The following SFMBT1 variants were observed in gnomAD, a reference collection of about 807,000 sequenced individuals.
The protein encoded by SFMBT1 is scm-like with four MBT domains protein 1.
A neutral mutation model predicts 108.7 loss-of-function variants in SFMBT1; 32 were observed. The observed-to-expected ratio is 0.29, with a 90% CI of 0.22 to 0.40. The LOEUF (loss-of-function observed/expected upper bound fraction) is 0.40, where lower values mean the gene tolerates loss of function less well. Ranked by LOEUF, SFMBT1 falls within the 10% of genes least tolerant of loss-of-function variation. The pLI is 1.00. For synonymous variants in SFMBT1, 348 were observed against 369.5 expected (o/e 0.94, Z 0.67); for missense variants, 816 against 1,059.6 (o/e 0.77, Z 3.19).
At position 52,999,654 on chromosome 3, in the gene SFMBT1, T is replaced by A. The variant is rs1239944286; in HGVS notation, c.-130-30396A>T. 2.7e-5 allele frequency among the ~76,000 whole-genome samples: 4 copies of A among 149,892 alleles called. 2 individuals carry two copies. Among genetic ancestry groups the A allele is most frequent in the Non-Finnish European group, 6.0e-5 (4 of 66,834 alleles). On this transcript the variant is annotated intron_variant, in intron 1 of 20. Coordinates refer to ENST00000394752, the MANE Select transcript of SFMBT1 (RefSeq NM_016329.4). ...TGTGGATGTCACTGGCCAAAGGTCA[T>A]GAGGGGAGTGGGCCACATGAGTGGC...
chr3:53,012,030 G>T (rs1698961202), intron 1 of SFMBT1, among the ~76,000 whole-genome samples: 1 of 152,198 alleles, frequency 6.6e-6, no homozygotes, highest in Non-Finnish European at 1.5e-5. Flanking sequence ...AAGTATCTAT[G>T]TGCCAGCCAC....
chr3:53,023,431 T>C (rs904321876), intron 1 of SFMBT1, among the ~76,000 whole-genome samples: 10 of 152,352 alleles, frequency 6.6e-5, no homozygotes, highest in East Asian at 5.8e-4. Context: ...TGGTCTAAGA[T>C]CTCACTCTGT....
At chr3:53,025,864 G>A (rs779491800) in intron 1 of SFMBT1, among the ~76,000 whole-genome samples, 16 of 152,244 alleles carry the variant, frequency 1.1e-4, no homozygotes, top group South Asian at 4.1e-4. Flanking sequence ...TGATCTACAC[G>A]GAAGGCTGGA....
intron 9 of SFMBT1, among the ~76,000 whole-genome samples, chr3:52,927,774 A>C (rs1172918720): frequency 6.6e-6 from 1 of 152,166 alleles, no homozygotes; most frequent in Non-Finnish European, 1.5e-5. Context: ...ACCTAAAGAT[A>C]ATCAGTAATC....
At chr3:53,035,502 A>T (rs1237650391) in intron 1 of SFMBT1, among the ~76,000 whole-genome samples, 1 of 152,240 alleles carries the variant, frequency 6.6e-6, no homozygotes, top group East Asian at 1.9e-4. Context: ...TACTACATTG[A>T]TAAATGAACA....
At chr3:52,941,950 A>G (rs557613180) in intron 4 of SFMBT1, among the ~76,000 whole-genome samples, 5 of 152,158 alleles carry the variant, frequency 3.3e-5, no homozygotes, top group Non-Finnish European at 7.4e-5. Context: ...AATAGCTGGT[A>G]AAAACTGAAT....
chr3:52,907,310 C>A lies in SFMBT1; in HGVS notation c.2090G>T (p.Ser697Ile), dbSNP rs1278306303. 6.2e-7 allele frequency: 1 copy of A among 1,611,790 alleles called. No homozygotes were observed. Among genetic ancestry groups the A allele is most frequent in the Admixed American group, 1.7e-5 (1 of 59,878 alleles). The change falls in exon 19 of 21, where the codon AGT becomes ATT. Residue 697 changes from serine (S) to isoleucine (I), a missense_variant. Coordinates refer to ENST00000394752, the MANE Select transcript of SFMBT1 (RefSeq NM_016329.4). ...TGGGTCATCCTCATCTTCACCCCCA[C>A]TTCCCTGCAGGAAAAGGAGAGAAGT... ...DNTPAGSPQGSGGEDEDDPDE... is the reference protein window; with the variant it reads ...DNTPAGSPQGIGGEDEDDPDE...
intron 1 of SFMBT1, among the ~76,000 whole-genome samples, chr3:52,978,640 T>C (rs1445018595): frequency 2.0e-5 from 3 of 152,198 alleles, no homozygotes; most frequent in East Asian, 1.9e-4. Context: ...TGAAAACATA[T>C]GTCCAAACAT....
intron 3 of SFMBT1, among the ~76,000 whole-genome samples, chr3:52,946,661 C>T (rs1241490171): frequency 1.3e-5 from 2 of 152,180 alleles, no homozygotes; most frequent in Non-Finnish European, 2.9e-5. Context: ...TTTTGCTTGT[C>T]CCTTGGTACA....
At chr3:53,020,753 T>C (rs756673033) in intron 1 of SFMBT1, among the ~76,000 whole-genome samples, 1 of 152,128 alleles carries the variant, frequency 6.6e-6, no homozygotes, top group African/African-American at 2.4e-5. Flanking sequence ...ATACAGGTTT[T>C]TCCATACTAA....
At chr3:52,935,607 A>G (rs187499017) in intron 4 of SFMBT1, among the ~76,000 whole-genome samples, 116 of 152,348 alleles carry the variant, frequency 7.6e-4, no homozygotes, top group African/African-American at 2.6e-3. Flanking sequence ...ATTTTAGTAC[A>G]TATTTCTAAA....
intron 1 of SFMBT1, among the ~76,000 whole-genome samples, chr3:53,033,350 G>A (rs946893235): frequency 3.3e-5 from 5 of 151,840 alleles, no homozygotes; most frequent in Admixed American, 6.6e-5. Context: ...TAGTAGAGAC[G>A]GGGTTTCACC....
At chr3:53,040,092 A>G (rs1343025332) in intron 1 of SFMBT1, among the ~76,000 whole-genome samples, 1 of 152,186 alleles carries the variant, frequency 6.6e-6, no homozygotes, top group Non-Finnish European at 1.5e-5. Context: ...ATTTTAGAAG[A>G]ACCGATCCTT....
At chr3:52,966,616 C>A (rs1441274759) in intron 2 of SFMBT1, among the ~76,000 whole-genome samples, 3 of 98,822 alleles carry the variant, frequency 3.0e-5, no homozygotes, top group South Asian at 3.8e-4. Flanking sequence ...CAGAGCGAGA[C>A]TCAGTCTCAA....
chr3:52,954,870 AG>A lies in SFMBT1; in HGVS notation c.29-460del, dbSNP rs1703729188. On this transcript the variant is annotated intron_variant, in intron 2 of 20. Coordinates refer to ENST00000394752, the MANE Select transcript of SFMBT1 (RefSeq NM_016329.4). ...TATTTTACCTTAATAAAAAAAAAAA[AG>A]TGTCATTATCCTTGCCCCCCTCCCT... Among the ~76,000 whole-genome samples the A allele has an allele frequency of 2.8e-5, 4 of 144,126 alleles. No homozygotes were observed. The South Asian group carries it at 6.7e-4, about 24-fold the overall frequency. 94.6% of individuals were successfully genotyped at this position (144,126 alleles called of 152,430 possible).
intron 4 of SFMBT1, among the ~76,000 whole-genome samples, chr3:52,941,885 C>A (rs1292508875): frequency 6.6e-6 from 1 of 151,944 alleles, no homozygotes; most frequent in Admixed American, 6.6e-5. Context: ...GCTGACAGAG[C>A]GAGATTCTGT....
intron 2 of SFMBT1, among the ~76,000 whole-genome samples, chr3:52,963,754 T>C (rs902724393): frequency 2.0e-5 from 3 of 152,146 alleles, no homozygotes; most frequent in Admixed American, 1.3e-4. Flanking sequence ...GTCTGGCCTA[T>C]GCCATATTAA....
chr3:52,997,364 G>A (rs942229127), intron 1 of SFMBT1, among the ~76,000 whole-genome samples: 11 of 149,424 alleles, frequency 7.4e-5, no homozygotes, highest in Non-Finnish European at 1.5e-4. Flanking sequence ...TGTGAAACCC[G>A]TCTCTACTAA....
intron 2 of SFMBT1, among the ~76,000 whole-genome samples, chr3:52,960,067 C>T (rs1703909073): frequency 6.6e-6 from 1 of 151,690 alleles, no homozygotes; most frequent in African/African-American, 2.4e-5. Flanking sequence ...TTATGGCAAC[C>T]CTTCAATGGA....
Sources: gnomAD v4.1 joint callset for allele counts (sites outside exome capture counted in the v4.1 genomes callset) on GRCh38, gnomAD v4.1.1 for gene constraint, MANE v1.5 for transcripts, NCBI Gene and HGNC (gene_info 2026-07-23, HGNC 2026-07-21) for gene names.